Variants in PTRH1 observed in about 807,000 individuals in gnomAD.
PTRH1 encodes the protein peptidyl-tRNA hydrolase 1 homolog, also known as peptidyl-tRNA hydrolase.
A neutral mutation model predicts 15.7 loss-of-function variants in PTRH1; 13 were observed. That is an observed-to-expected ratio of 0.83 (90% CI 0.54 to 1.31). The LOEUF (loss-of-function observed/expected upper bound fraction) is 1.31, where lower values mean the gene tolerates loss of function less well. Ranked by LOEUF, PTRH1 falls within the 40% of genes most tolerant of loss-of-function variation. The probability of loss-of-function intolerance (pLI) is 0.00; values close to 1 mark genes in which losing one functional copy is unlikely to be tolerated. For synonymous variants in PTRH1, 139 were observed against 136.7 expected (o/e 1.02, Z -0.12); for missense variants, 319 against 296.2 (o/e 1.08, Z -0.56).
Position 127,714,367 on chromosome 9 carries a change from G to A in PTRH1, c.462+12C>T. 4 of 1,614,226 alleles carry A rather than the reference G, an allele frequency of 2.5e-6. No individual in the cohort carries two copies. Among genetic ancestry groups the A allele is most frequent in the Non-Finnish European group, 3.4e-6 (4 of 1,180,024 alleles). On this transcript the variant is annotated intron_variant, in intron 4 of 4. Coordinates refer to ENST00000543175, the MANE Select transcript of PTRH1 (RefSeq NM_001002913.3). ...CACCCGACCCAGTTGCACAACAAAA[G>A]GGTAGACTCACATTGGAGTTGAGGC...
chr9:127,707,330 C>A, intron 1 of PTRH1: 1 of 861,510 alleles, frequency 1.2e-6, no homozygotes, highest in Non-Finnish European at 1.7e-6. Flanking sequence ...ATCCCGACCC[C>A]AGCCTCATTT....
At chr9:127,710,779 G>A (rs1035612650), downstream of PTRH1, 1 of 1,552,686 alleles carries the variant, frequency 6.4e-7, no homozygotes, top group East Asian at 2.4e-5. Context: ...CACCCTTTGG[G>A]GCCTTTGGAG....
downstream of PTRH1, chr9:127,709,609 G>A (rs1467916327): frequency 4.3e-6 from 7 of 1,613,976 alleles, no homozygotes; most frequent in African/African-American, 1.3e-5. The surrounding 1 kb of genome is among the most constrained non-coding windows in gnomAD (Gnocchi z 4.7). Context: ...GATGGAGAAG[G>A]ATGCCTTCGA....
chr9:127,694,845 T>C (rs1473262308), intron 2 of PTRH1: 1 of 614,608 alleles, frequency 1.6e-6, no homozygotes, highest in Non-Finnish European at 2.9e-6. Flanking sequence ...CTTTTAGCAG[T>C]GGCCTGTGGG....
chr9:127,707,468 C>G (rs1842673137), intron 1 of PTRH1, among the ~76,000 whole-genome samples: 1 of 152,192 alleles, frequency 6.6e-6, no homozygotes, highest in Admixed American at 6.5e-5. Flanking sequence ...CCCACGTCCC[C>G]CTGCCTCACT....
intron 1 of PTRH1, among the ~76,000 whole-genome samples, chr9:127,699,778 G>A (rs1187438709): frequency 6.6e-6 from 1 of 152,080 alleles, no homozygotes; most frequent in Non-Finnish European, 1.5e-5. Context: ...CTCTTCCTAG[G>A]AGAACAGGCA....
chr9:127,707,070 G>C (rs1002352970), intron 1 of PTRH1: 1 of 1,613,998 alleles, frequency 6.2e-7, no homozygotes, highest in Admixed American at 1.7e-5. Context: ...CAGGCAAGGA[G>C]CTTGAAGTCA....
rs79213699 is a variant in PTRH1 at position 127,708,119 on chromosome 9, C to T, written c.205+7316G>A. ...TATGCAAGACTGCTTCCTCAGCCCC[C>T]ACCCCTGAAATGCTCTGTGTGCAGT... is the stretch of plus-strand genomic sequence containing the variant. On this transcript the variant is annotated intron_variant, in intron 1 of 2. Transcript: ENST00000335223. Among the ~76,000 whole-genome samples, 157 of 152,320 alleles carry T rather than the reference C, an allele frequency of 1.0e-3. 1 individual carries two copies. In the East Asian group the frequency reaches 0.029, roughly 28 times the overall value.
chr9:127,711,671 T>A, downstream of PTRH1: 1 of 1,156,572 alleles, frequency 8.6e-7, no homozygotes, highest in East Asian at 2.6e-5. Context: ...GGATTGTATT[T>A]ATTTAAAGCC....
At position 127,715,120 on chromosome 9, in the gene PTRH1, C is replaced by T. The variant is rs1434686418; in HGVS notation, c.171G>A (p.Ala57=). The T allele has an allele frequency of 3.9e-6, 6 of 1,535,088 alleles. No homozygotes were observed. Among genetic ancestry groups the T allele is most frequent in the Non-Finnish European group, 5.2e-6 (6 of 1,146,366 alleles). Residue 57 remains alanine (A), a synonymous_variant, in exon 2 of 5, where the codon GCG becomes GCA. Transcript: ENST00000543175. The surrounding 1 kb of genome is among the most constrained non-coding windows in gnomAD (Gnocchi z 5.8). ...SVGMAVLGQL[A]RRLGVAESWT... is the part of the protein sequence containing the mutation. ...AACTCTCCGCCACACCCAGCCGCCG[C>T]GCCAGCTGCCCCAGCACCGCCATGC... is the stretch of plus-strand genomic sequence containing the variant.
At chr9:127,709,330 G>A (rs185567486), downstream of PTRH1, 121 of 1,354,006 alleles carry the variant, frequency 8.9e-5, no homozygotes, top group Admixed American at 3.7e-4. The surrounding 1 kb of genome is among the most constrained non-coding windows in gnomAD (Gnocchi z 4.7). Flanking sequence ...GCCCCTTTAC[G>A]GGACAGGGAG....
chr9:127,715,517 C>T lies in PTRH1; in HGVS notation c.96+27G>A. On this transcript the variant is annotated intron_variant, in intron 1 of 4. Transcript: ENST00000543175. The surrounding 1 kb of genome is among the most constrained non-coding windows in gnomAD (Gnocchi z 5.8). ...GAACTGAAGCTAGGGACCGGGAGCC[C>T]CTACGTCGCCGCCCCACGCCACTCA... 6.2e-7 allele frequency: 1 copy of T among 1,613,078 alleles called. No individual in the cohort carries two copies. Among genetic ancestry groups the T allele is most frequent in the Non-Finnish European group, 8.5e-7 (1 of 1,179,938 alleles).
In PTRH1 at chr9:127,715,370, G is replaced by A. The variant is rs776955202; in HGVS notation, c.96+174C>T. 8.9e-6 allele frequency: 11 copies of A among 1,239,676 alleles called. No individual in the cohort carries two copies. Among genetic ancestry groups the A allele is most frequent in the Non-Finnish European group, 1.3e-5 (11 of 874,620 alleles). 76.8% of individuals were successfully genotyped at this position (1,239,676 alleles called of 1,614,324 possible). ...CTGAGAACTCCAGAAGGCTGGGCAG[G>A]CAGGGCGCCCTAGTGCAGGAACGGA... On this transcript the variant is annotated intron_variant, in intron 1 of 4. Transcript: ENST00000543175. This position sits in a 1 kb window ranked among gnomAD's most constrained non-coding sequence, Gnocchi z 5.8.
intron 2 of PTRH1, 58 bp from the exon 3 acceptor site, chr9:127,714,760 C>T: frequency 7.0e-7 from 1 of 1,425,222 alleles, no homozygotes; most frequent in Admixed American, 1.9e-5. Context: ...GAGGCACTGT[C>T]CCGACTCCCA....
At chr9:127,709,764 T>C (rs1842721860), downstream of PTRH1, 1 of 1,508,422 alleles carries the variant, frequency 6.6e-7, no homozygotes, top group African/African-American at 1.4e-5. The surrounding 1 kb of genome is among the most constrained non-coding windows in gnomAD (Gnocchi z 4.7). Flanking sequence ...GTTTCTCACC[T>C]GGGAAACAGG....
chr9:127,711,631 TG>T, downstream of PTRH1: 6 of 1,245,176 alleles, frequency 4.8e-6, no homozygotes, highest in Non-Finnish European at 6.6e-6. Flanking sequence ...GGGCCTCCTG[TG>T]GGGGCTGCAG....
downstream of PTRH1, chr9:127,711,338 G>A (rs183954307): frequency 3.1e-5 from 50 of 1,614,194 alleles, no homozygotes; most frequent in Middle Eastern, 4.9e-4. Context: ...AGAGAACAAC[G>A]GCATTACCCT....
At position 127,714,978 on chromosome 9, in the gene PTRH1, C is replaced by T; in HGVS notation, c.313G>A (p.Ala105Thr). ...ACCCCTGGCGCTCTCAACTCACCAG[C>T]CCGGGCCACGCTGCGCCCGTTGGCG... ...MNANGRSVAR[A>T]AELFGLTAEE... Residue 105 changes from alanine to threonine, a missense_variant, in exon 2 of 5, where the codon GCT becomes ACT. Physicochemically the swap from Ala to Thr is moderately conservative, Grantham distance 58. Coordinates refer to ENST00000543175, the MANE Select transcript of PTRH1 (RefSeq NM_001002913.3). 1 of 1,415,232 alleles carries T rather than the reference C, an allele frequency of 7.1e-7. No homozygotes were observed. The highest frequency in any genetic ancestry group is 9.3e-7 in the Non-Finnish European group (1 of 1,079,554). 87.7% of individuals were successfully genotyped at this position (1,415,232 alleles called of 1,614,324 possible).
rs771496957 is a variant in PTRH1, at chr9:127,715,653, A to G, written c.-14T>C. On this transcript the variant is annotated 5_prime_UTR_variant, in exon 1 of 5. Coordinates refer to ENST00000543175, the MANE Select transcript of PTRH1 (RefSeq NM_001002913.3). This position sits in a 1 kb window ranked among gnomAD's most constrained non-coding sequence, Gnocchi z 5.8. ...GCCCGGCCTCATGCTGCCCCCATTCACTCCGACACCGCCCCCTGACGTCAT... is the reference window on the plus strand; with the variant it reads ...GCCCGGCCTCATGCTGCCCCCATTCGCTCCGACACCGCCCCCTGACGTCAT... 6.2e-6 allele frequency: 10 copies of G among 1,607,108 alleles called. No homozygotes were observed. The Admixed American group carries it at 1.2e-4, about 19-fold the overall frequency.
Sources: allele counts gnomAD v4.1 joint callset (sites outside exome capture counted in the v4.1 genomes callset), GRCh38; gene constraint gnomAD v4.1.1; non-coding constraint Gnocchi (gnomAD v3.1); transcripts MANE v1.5; gene names NCBI Gene and HGNC (gene_info 2026-07-23, HGNC 2026-07-21).